Variants in ITSN2 observed in about 807,000 individuals in gnomAD.
ITSN2 encodes the protein intersectin 2.
In ITSN2, 156 loss-of-function variants were observed where a neutral mutation model predicts 243.7. The observed-to-expected ratio is 0.64, with a 90% CI of 0.56 to 0.73. ITSN2 has a LOEUF of 0.73. Among genes scored for constraint, ITSN2 ranks in the 30% least tolerant of loss-of-function variants. The pLI, the probability that ITSN2 is intolerant of heterozygous loss-of-function variation, is 0.00. For missense variants in ITSN2, 1,801 were observed against 1,996.1 expected (o/e 0.90, Z 1.86); for synonymous variants, 703 against 699.9 (o/e 1.00, Z -0.07).
intron 1 of ITSN2, chr2:24,335,210 T>C (rs1686236392): frequency 6.1e-6 from 1 of 165,158 alleles, no homozygotes; most frequent in Non-Finnish European, 1.3e-5. Context: ...GTTAAAAAAA[T>C]AATAATTACA....
At chr2:24,231,637 A>G (rs1475516308) in intron 29 of ITSN2, among the ~76,000 whole-genome samples, 1 of 152,210 alleles carries the variant, frequency 6.6e-6, no homozygotes, top group African/African-American at 2.4e-5. Context: ...GCACTATTCC[A>G]AGTTACAGTG....
At chr2:24,241,365 G>A (rs1275820136) in intron 29 of ITSN2, 2 of 152,134 alleles carry the variant, frequency 1.3e-5, no homozygotes, top group Non-Finnish European at 2.9e-5. Flanking sequence ...TCCCTTTATA[G>A]GTCATCGAAA....
At chr2:24,357,020 T>C (rs1688510264) in intron 1 of ITSN2, among the ~76,000 whole-genome samples, 1 of 152,204 alleles carries the variant, frequency 6.6e-6, no homozygotes, top group South Asian at 2.1e-4. Context: ...GCTTTTACAC[T>C]GTTGCTGGGA....
chr2:24,299,354 G>A (rs915925777), intron 12 of ITSN2, among the ~76,000 whole-genome samples: 2 of 151,994 alleles, frequency 1.3e-5, no homozygotes, highest in African/African-American at 4.8e-5. Flanking sequence ...TGGTATCTGG[G>A]GGAAAAATTC....
At chr2:24,340,605 T>A (rs1011014287) in intron 1 of ITSN2, among the ~76,000 whole-genome samples, 8 of 152,112 alleles carry the variant, frequency 5.3e-5, no homozygotes, top group Non-Finnish European at 1.2e-4. Flanking sequence ...GGAAACATGA[T>A]CCCAACTTCT....
intron 8 of ITSN2, among the ~76,000 whole-genome samples, chr2:24,307,558 G>T (rs1221991552): frequency 6.6e-6 from 1 of 152,196 alleles, no homozygotes; most frequent in Non-Finnish European, 1.5e-5. Flanking sequence ...CGTGTTCCTT[G>T]ACTTATCCCC....
chr2:24,246,027 G>C, intron 29 of ITSN2, 102 bp downstream of exon 29: 1 of 720,958 alleles, frequency 1.4e-6, no homozygotes, highest in Non-Finnish European at 2.2e-6. Context: ...TACATTTGCT[G>C]TGAGTGCTGA....
intron 1 of ITSN2, chr2:24,334,548 A>G: frequency 1.1e-6 from 1 of 878,076 alleles, no homozygotes; most frequent in Non-Finnish European, 1.9e-6. Flanking sequence ...GACTTTCTGT[A>G]AGAAGTGTGG....
In ITSN2 at chr2:24,212,863, TCTTA is replaced by T. The variant is rs544074717; in HGVS notation, c.3991-119_3991-116del. The T allele has an allele frequency of 9.1e-5, 78 of 859,816 alleles. No individual in the cohort carries two copies. The African/African-American group carries it at 1.3e-3, about 14-fold the overall frequency. The allele number at this position is 859,816 out of a possible 1,614,324, so 53.3% of individuals were successfully genotyped here. On this transcript the variant is annotated intron_variant, in intron 32 of 39. Coordinates refer to ENST00000355123, the MANE Select transcript of ITSN2 (RefSeq NM_006277.3). ...TTTTATTTATTTATGTTTCTCCCTG[TCTTA>T]CTGTTTTAGAATTTTTTTTAGGTGA...
intron 17 of ITSN2, among the ~76,000 whole-genome samples, chr2:24,278,674 T>C (rs574630087): frequency 4.7e-4 from 66 of 141,024 alleles, no homozygotes; most frequent in African/African-American, 1.6e-3. Context: ...TTTTTTGAGA[T>C]GGAGCCTCGC....
In ITSN2 at chr2:24,203,662, A is replaced by G. The variant is rs775198213; in HGVS notation, c.5058T>C (p.Phe1686=). Reference sequence around the variant, plus strand: ...TTTTTTGCTCAAAAAGCTGCAGGTCAAAACGGACCCAGACCTCCCCGGTGG... The same window carrying G: ...TTTTTTGCTCAAAAAGCTGCAGGTCGAAACGGACCCAGACCTCCCCGGTGG... ...EVPTGEVWVR[F]DLQLFEQKTL... is the part of the protein sequence containing the mutation. The change falls in exon 40 of 40, where the codon TTT becomes TTC. Residue 1686 remains phenylalanine (F), a synonymous_variant. Transcript: ENST00000355123. The G allele has an allele frequency of 6.2e-7, 1 of 1,614,180 alleles. No homozygotes were observed. The highest frequency in any genetic ancestry group is 2.2e-5 in the East Asian group (1 of 44,884).
chr2:24,295,146 C>A (rs531823688), intron 14 of ITSN2, among the ~76,000 whole-genome samples: 38 of 152,164 alleles, frequency 2.5e-4, no homozygotes, highest in African/African-American at 6.7e-4. Flanking sequence ...TGTCCACTTA[C>A]GTATATATAT....
At chr2:24,322,939 T>C (rs1684753650) in intron 2 of ITSN2, among the ~76,000 whole-genome samples, 1 of 151,770 alleles carries the variant, frequency 6.6e-6, no homozygotes, top group Non-Finnish European at 1.5e-5. Flanking sequence ...GATATACAGA[T>C]GGCAAATAAG....
chr2:24,325,524 C>A (rs1685074116), intron 2 of ITSN2, among the ~76,000 whole-genome samples: 1 of 151,450 alleles, frequency 6.6e-6, no homozygotes, highest in Non-Finnish European at 1.5e-5. Flanking sequence ...CTAACAGAAC[C>A]CTTTGAAAAG....
Position 24,216,248 on chromosome 2 carries a change from T to G in ITSN2, c.3807-16A>C. ...CCGCAAAGCCCTGCCAAGAACACACTCTCATTTTGTGTTTCTAAGTGAATG... is the reference window on the plus strand; with the variant it reads ...CCGCAAAGCCCTGCCAAGAACACACGCTCATTTTGTGTTTCTAAGTGAATG... On this transcript the variant is annotated splice_polypyrimidine_tract_variant and intron_variant, in intron 31 of 39. Transcript: ENST00000355123. 2 of 1,556,038 alleles carry G rather than the reference T, an allele frequency of 1.3e-6. No homozygotes were observed. Among genetic ancestry groups the G allele is most frequent in the Non-Finnish European group, 1.7e-6 (2 of 1,149,284 alleles).
chr2:24,228,309 A>C (rs555627954), intron 29 of ITSN2, among the ~76,000 whole-genome samples: 7 of 152,360 alleles, frequency 4.6e-5, no homozygotes, highest in Admixed American at 4.6e-4. Context: ...GAGCGCATTT[A>C]CCACTAATAG....
At chr2:24,346,698 G>C (rs1229576445) in intron 1 of ITSN2, among the ~76,000 whole-genome samples, 1 of 151,956 alleles carries the variant, frequency 6.6e-6, no homozygotes, top group African/African-American at 2.4e-5. Flanking sequence ...TGTTCTACTC[G>C]CTCCATTTTT....
chr2:24,232,455 A>C (rs1029235975), intron 29 of ITSN2, among the ~76,000 whole-genome samples: 7 of 152,236 alleles, frequency 4.6e-5, no homozygotes, highest in African/African-American at 1.7e-4. Context: ...CCCAGAGAGC[A>C]GTTAGTTCAG....
intron 20 of ITSN2, among the ~76,000 whole-genome samples, chr2:24,265,291 T>C (rs1676532457): frequency 6.6e-6 from 1 of 152,276 alleles, no homozygotes; most frequent in Non-Finnish European, 1.5e-5. Flanking sequence ...AATAAAACTT[T>C]GTAACTTTCA....
Sources: allele counts gnomAD v4.1 joint callset (sites outside exome capture counted in the v4.1 genomes callset), GRCh38; gene constraint gnomAD v4.1.1; transcripts MANE v1.5; gene names NCBI Gene and HGNC (gene_info 2026-07-23, HGNC 2026-07-21).